Variants in ARRB1 observed in about 807,000 individuals in gnomAD.
ARRB1 encodes the protein beta-arrestin-1.
ARRB1 carries 21 observed loss-of-function variants against 56.8 expected under a neutral mutation model. The observed-to-expected ratio is 0.37, with a 90% CI of 0.26 to 0.53. The LOEUF (loss-of-function observed/expected upper bound fraction) is 0.53, where lower values mean the gene tolerates loss of function less well. Among genes scored for constraint, ARRB1 ranks in the 20% least tolerant of loss-of-function variants. The pLI is 0.88. For synonymous variants in ARRB1, 210 were observed against 218.6 expected (o/e 0.96, Z 0.35); for missense variants, 424 against 553.7 (o/e 0.77, Z 2.35).
chr11:75,293,632 T>C (rs567501012), intron 1 of ARRB1, among the ~76,000 whole-genome samples: 2 of 152,090 alleles, frequency 1.3e-5, no homozygotes, highest in Non-Finnish European at 2.9e-5. Context: ...GCTGGGTGCC[T>C]ATAAGAGAAA....
intron 6 of ARRB1, 58 bp from the exon 7 acceptor site, chr11:75,281,200 A>T: frequency 6.7e-7 from 1 of 1,492,014 alleles, no homozygotes; most frequent in Admixed American, 1.9e-5. Flanking sequence ...CCCAGTACAC[A>T]GCCAGCCCAC....
chr11:75,336,593 A>AG (rs938985834), intron 1 of ARRB1, among the ~76,000 whole-genome samples: 3 of 152,174 alleles, frequency 2.0e-5, no homozygotes, highest in African/African-American at 7.2e-5. Context: ...GAGTGAGCTG[A>AG]GGGGTTTCCT....
rs981417956 is a variant in ARRB1, at chr11:75,263,366, T to C, written c.*2797A>G. Among the ~76,000 whole-genome samples the C allele has an allele frequency of 5.3e-5, 8 of 152,208 alleles. No individual in the cohort carries two copies. The highest frequency in any genetic ancestry group is 1.9e-4 in the African/African-American group (8 of 41,454). On this transcript the variant is annotated 3_prime_UTR_variant, in exon 16 of 16. Transcript: ENST00000420843. ...GGAAACACTTTGGCCTGTGTGTCCC[T>C]CGAGGCTGCAGCGTATGGCCGTGCA... is the stretch of plus-strand genomic sequence containing the variant.
chr11:75,323,229 C>T (rs576147482), intron 1 of ARRB1, among the ~76,000 whole-genome samples: 1 of 152,356 alleles, frequency 6.6e-6, no homozygotes, highest in African/African-American at 2.4e-5. Flanking sequence ...ACAGAAACCA[C>T]AGTCCATAAC....
chr11:75,293,494 C>G (rs1946656104), intron 1 of ARRB1, among the ~76,000 whole-genome samples: 1 of 152,202 alleles, frequency 6.6e-6, no homozygotes, highest in Non-Finnish European at 1.5e-5. Context: ...ACACAGATGG[C>G]TCTGCCTGTC....
intron 1 of ARRB1, among the ~76,000 whole-genome samples, chr11:75,334,856 C>G (rs476364): frequency 0.6 from 91,327 of 151,856 alleles, 28,127 homozygotes; most frequent in African/African-American, 0.73. Context: ...CACCAACATC[C>G]TAGCCCAAAC....
intron 1 of ARRB1, among the ~76,000 whole-genome samples, chr11:75,336,247 C>T (rs1591987746): frequency 6.6e-6 from 1 of 152,060 alleles, no homozygotes. Context: ...TCAACCGTGC[C>T]CTCTCTGGAT....
At chr11:75,272,628 G>A (rs1402465425) in intron 12 of ARRB1, among the ~76,000 whole-genome samples, 10 of 152,092 alleles carry the variant, frequency 6.6e-5, no homozygotes, top group Non-Finnish European at 5.9e-5. Flanking sequence ...TCCTCAGTGC[G>A]AGCCCAGACC....
At position 75,268,510 on chromosome 11, in the gene ARRB1, CAA is replaced by C. The variant is rs61409833; in HGVS notation, c.1093+377_1093+378del. ...ACAGAGTGAGACTGTGTCTCAAAAC[CAA>C]AAAAAAAAAAAAAAAAAAAAAAAAG... is the stretch of plus-strand genomic sequence containing the variant. On this transcript the variant is annotated intron_variant, in intron 14 of 15. Transcript: ENST00000420843. Among the ~76,000 whole-genome samples, 276 of 61,432 alleles carry C rather than the reference CAA, an allele frequency of 4.5e-3. 2 individuals carry two copies. Among genetic ancestry groups the C allele is most frequent in the African/African-American group, 0.012 (229 of 18,900 alleles). The allele number at this position is 61,432 out of a possible 152,430, so 40.3% of individuals were successfully genotyped here.
chr11:75,269,030 T>C, intron 13 of ARRB1, 71 bp from the exon 14 acceptor site: 1 of 1,526,938 alleles, frequency 6.5e-7, no homozygotes, highest in Non-Finnish European at 9.0e-7. Flanking sequence ...GTCGATGCCC[T>C]GTCAGTCCGA....
chr11:75,273,174 C>T (rs979671849), intron 11 of ARRB1, among the ~76,000 whole-genome samples, 196 bp from the exon 12 acceptor site: 2 of 152,200 alleles, frequency 1.3e-5, no homozygotes, highest in African/African-American at 2.4e-5. Flanking sequence ...AGCCCCGGTT[C>T]CAAGTCTGAC....
chr11:75,297,238 G>A (rs1318099116), intron 1 of ARRB1, among the ~76,000 whole-genome samples: 1 of 150,708 alleles, frequency 6.6e-6, no homozygotes, highest in African/African-American at 2.4e-5. Context: ...ATAAGGAAAT[G>A]CCAGGGATCC....
chr11:75,295,135 TCA>T (rs767013367), intron 1 of ARRB1, among the ~76,000 whole-genome samples: 1 of 146,276 alleles, frequency 6.8e-6, no homozygotes, highest in Non-Finnish European at 1.5e-5. Flanking sequence ...GATGGGAGGA[TCA>T]CTTGAACCTA....
At chr11:75,325,727 T>C (rs1947421276) in intron 1 of ARRB1, among the ~76,000 whole-genome samples, 1 of 152,190 alleles carries the variant, frequency 6.6e-6, no homozygotes, top group African/African-American at 2.4e-5. Flanking sequence ...AGGTAGGGGC[T>C]GAGGCCACCA....
At position 75,260,411 on chromosome 11, in the gene ARRB1, C is replaced by T. The variant is rs1003408310; in HGVS notation, c.*5752G>A. On this transcript the variant is annotated 3_prime_UTR_variant, in exon 16 of 16. Transcript: ENST00000420843. The stretch of plus-strand genomic sequence containing the variant: ...AGGTCCCACAGTGTCTGTGGCTAGA[C>T]CTTAACACTGAGCAGAGATGCCCGG... 3.3e-5 allele frequency: 5 copies of T among 152,222 alleles called. No individual in the cohort carries two copies. Among genetic ancestry groups the T allele is most frequent in the African/African-American group, 9.7e-5 (4 of 41,412 alleles). The allele number at this position is 152,222 out of a possible 1,614,324, so 9.4% of individuals were successfully genotyped here. A position where few individuals can be genotyped will look rare whatever the true frequency, so the allele number is the denominator to read the frequency against.
intron 14 of ARRB1, among the ~76,000 whole-genome samples, chr11:75,267,924 G>A (rs1193988139): frequency 6.6e-6 from 1 of 152,150 alleles, no homozygotes; most frequent in Non-Finnish European, 1.5e-5. Context: ...GATCCCCACT[G>A]CAGCCCCAGA....
At chr11:75,280,942 G>T in intron 7 of ARRB1, 133 bp downstream of exon 7, 1 of 1,049,694 alleles carries the variant, frequency 9.5e-7, no homozygotes, top group Non-Finnish European at 1.4e-6. Flanking sequence ...CTTCCAGAGT[G>T]CCCTTCCAAG....
chr11:75,319,253 G>A (rs1293348247), intron 1 of ARRB1, among the ~76,000 whole-genome samples: 3 of 152,086 alleles, frequency 2.0e-5, no homozygotes, highest in Non-Finnish European at 4.4e-5. Context: ...GCCCTGGGGA[G>A]CCCTGGCAAG....
chr11:75,330,038 C>G (rs541484912), intron 1 of ARRB1, among the ~76,000 whole-genome samples: 2 of 152,216 alleles, frequency 1.3e-5, no homozygotes, highest in East Asian at 3.9e-4. Context: ...CTCAGACTCC[C>G]TTTCACACAT....
Sources: gnomAD v4.1 joint callset for allele counts (sites outside exome capture counted in the v4.1 genomes callset) on GRCh38, gnomAD v4.1.1 for gene constraint, MANE v1.5 for transcripts, NCBI Gene and HGNC (gene_info 2026-07-23, HGNC 2026-07-21) for gene names.